SLC24A4: variants seen among roughly 807,000 people sequenced by gnomAD.
The protein encoded by SLC24A4 is sodium/potassium/calcium exchanger 4.
SLC24A4 carries 53 observed loss-of-function variants against 79.0 expected under a neutral mutation model. The observed-to-expected ratio is 0.67, with a 90% CI of 0.54 to 0.84. The LOEUF (loss-of-function observed/expected upper bound fraction) is 0.84, where lower values mean the gene tolerates loss of function less well. SLC24A4 is among the 40% of genes least tolerant of loss of function. The pLI, the probability that SLC24A4 is intolerant of heterozygous loss-of-function variation, is 0.00. For missense variants in SLC24A4, 731 were observed against 822.0 expected (o/e 0.89, Z 1.35); for synonymous variants, 323 against 323.8 (o/e 1.00, Z 0.03).
intron 12 of SLC24A4, among the ~76,000 whole-genome samples, chr14:92,469,600 T>G (rs12878801): frequency 3.0e-4 from 45 of 152,124 alleles, no homozygotes; most frequent in Middle Eastern, 3.4e-3. Context: ...TATGTCCACA[T>G]GCAAACTTAT....
intron 14 of SLC24A4, 53 bp from the exon 15 acceptor site, chr14:92,491,610 TAC>T: frequency 8.3e-7 from 1 of 1,202,108 alleles, no homozygotes; most frequent in Non-Finnish European, 1.2e-6. Flanking sequence ...GGAGAAAGAA[TAC>T]AGGCTTCTGG....
intron 10 of SLC24A4, 72 bp downstream of exon 10, chr14:92,449,288 A>T: frequency 3.2e-6 from 1 of 314,622 alleles, no homozygotes; most frequent in Non-Finnish European, 4.7e-6. Context: ...GTGTACACAC[A>T]CACACACACA....
rs759979050 is a variant in SLC24A4, at chr14:92,435,112, C to T, written c.318+1124C>T. 2.0e-5 allele frequency among the ~76,000 whole-genome samples: 3 copies of T among 152,206 alleles called. 1 individual carries two copies. Among genetic ancestry groups the T allele is most frequent in the Non-Finnish European group, 4.4e-5 (3 of 68,026 alleles). ...TTAAACTTAAAATGGGCTTATCAAG[C>T]TATAACCTCATTGTAAGTCTAGGAG... On this transcript the variant is annotated intron_variant, in intron 3 of 16. Coordinates refer to ENST00000532405, the MANE Select transcript of SLC24A4 (RefSeq NM_153646.4).
intron 2 of SLC24A4, among the ~76,000 whole-genome samples, chr14:92,379,188 C>G (rs1888681213): frequency 1.3e-5 from 2 of 152,158 alleles, no homozygotes; most frequent in South Asian, 2.1e-4. Flanking sequence ...AAGGAAATCT[C>G]TCTGGTTTAG....
chr14:92,501,116 T>A lies in SLC24A4; in HGVS notation c.*7488T>A, dbSNP rs1359087390. On this transcript the variant is annotated 3_prime_UTR_variant, in exon 17 of 17. Transcript: ENST00000532405. ...ACACATTGTTCAAGTCACCCCAAGA[T>A]CGTTCTGGCACGCTGAGCTGAACAC... 6.6e-6 allele frequency: 1 copy of A among 152,244 alleles called. No individual in the cohort carries two copies. The highest frequency in any genetic ancestry group is 1.5e-5 in the Non-Finnish European group (1 of 68,040). The allele number at this position is 152,244 out of a possible 1,614,324, so 9.4% of individuals were successfully genotyped here. A position where few individuals can be genotyped will look rare whatever the true frequency, so the allele number is the denominator to read the frequency against.
At chr14:92,481,789 G>A (rs146733465) in intron 12 of SLC24A4, among the ~76,000 whole-genome samples, 1 of 152,274 alleles carries the variant, frequency 6.6e-6, no homozygotes, top group East Asian at 1.9e-4. Context: ...ATTTTTTGCT[G>A]TTGTTCTCAA....
chr14:92,431,356 G>C (rs187162868), intron 2 of SLC24A4, among the ~76,000 whole-genome samples: 1 of 152,326 alleles, frequency 6.6e-6, no homozygotes, highest in Admixed American at 6.5e-5. Flanking sequence ...GGTCCCACAG[G>C]TCATTAGGAG....
rs1371716176 is a variant in SLC24A4, at chr14:92,456,456, A to G, written c.1103A>G (p.Asn368Ser). ...ANGVSSKPLQ[N>S]GRHENIENGN... The stretch of plus-strand genomic sequence containing the variant: ...GGTGTGAGCAGTAAGCCGCTTCAAA[A>G]CGGGAGGCACGAGAACATTGAGAAC... The change falls in exon 12 of 17, where the codon AAC becomes AGC. Residue 368 changes from asparagine (N) to serine (S), a missense_variant. Transcript: ENST00000532405. The G allele has an allele frequency of 6.2e-7, 1 of 1,614,188 alleles. No homozygotes were observed. Among genetic ancestry groups the G allele is most frequent in the East Asian group, 2.2e-5 (1 of 44,878 alleles).
chr14:92,487,405 A>C (rs1353465450), intron 14 of SLC24A4, among the ~76,000 whole-genome samples: 1 of 151,192 alleles, frequency 6.6e-6, no homozygotes, highest in African/African-American at 2.4e-5. Context: ...AAGTATAGGG[A>C]TGGGGATGGG....
chr14:92,395,085 A>T (rs745948983), intron 2 of SLC24A4, among the ~76,000 whole-genome samples: 2 of 152,190 alleles, frequency 1.3e-5, no homozygotes, highest in Non-Finnish European at 1.5e-5. Flanking sequence ...CTCTGGACGG[A>T]TAAGGGACTT....
chr14:92,486,229 T>G (rs74531470), intron 13 of SLC24A4, among the ~76,000 whole-genome samples: 1 of 152,084 alleles, frequency 6.6e-6, no homozygotes, highest in Non-Finnish European at 1.5e-5. Flanking sequence ...ACTTGTGCAG[T>G]TGGGGAAACT....
chr14:92,447,325 G>T (rs1456968563), intron 8 of SLC24A4, 46 bp from the exon 9 acceptor site: 1 of 1,589,070 alleles, frequency 6.3e-7, no homozygotes, highest in East Asian at 2.2e-5. Flanking sequence ...GCCTTCACCT[G>T]CCCCGGGCCC....
intron 2 of SLC24A4, among the ~76,000 whole-genome samples, chr14:92,339,650 G>A (rs1263646074): frequency 3.3e-5 from 5 of 152,094 alleles, no homozygotes; most frequent in African/African-American, 4.8e-5. Flanking sequence ...GTGGGTATGG[G>A]TGGCGAGTCA....
chr14:92,454,211 C>A, intron 11 of SLC24A4, 142 bp downstream of exon 11: 1 of 762,542 alleles, frequency 1.3e-6, no homozygotes, highest in Non-Finnish European at 2.0e-6. Context: ...TGCCCATCAG[C>A]CACAGGCAGC....
rs1246176709 is a variant in SLC24A4 at position 92,454,062 on chromosome 14, T to C, written c.1043T>C (p.Ile348Thr). The change falls in exon 11 of 17, where the codon ATT (isoleucine) becomes ACT (threonine). Residue 348 changes from isoleucine (I) to threonine (T), a missense_variant. By Grantham distance (89) the Ile-to-Thr change is moderately conservative. Coordinates refer to ENST00000532405, the MANE Select transcript of SLC24A4 (RefSeq NM_153646.4). ...CTACGGATGGCCAGCAGGATCATCA[T>C]TAATGAGGTGAGTTTGCTTGAAGGA... The part of the protein sequence containing the change: ...TRLRMASRII[I>T]NERQRLINSA... 6.2e-7 allele frequency: 1 copy of C among 1,612,680 alleles called. No homozygotes were observed. Among genetic ancestry groups the C allele is most frequent in the Non-Finnish European group, 8.5e-7 (1 of 1,179,372 alleles).
intron 12 of SLC24A4, among the ~76,000 whole-genome samples, chr14:92,460,044 G>A (rs766883721): frequency 9.2e-5 from 14 of 152,172 alleles, no homozygotes; most frequent in Non-Finnish European, 1.8e-4. Context: ...CAGGGGCCGC[G>A]GGAAGAGGGG....
intron 2 of SLC24A4, among the ~76,000 whole-genome samples, chr14:92,343,645 T>TTCCTTCCTTCCTTCCTTCC (rs1886329120): frequency 1.8e-5 from 1 of 55,294 alleles, no homozygotes; most frequent in Non-Finnish European, 4.3e-5. Flanking sequence ...TCTTTCTCTC[T>TTCCTTCCTTCCTTCCTTCC]TTCCTTCTTT....
At chr14:92,483,633 G>A (rs1895190800) in intron 13 of SLC24A4, 3 of 806,100 alleles carry the variant, frequency 3.7e-6, no homozygotes, top group Non-Finnish European at 1.8e-6. Flanking sequence ...ACCTTTCATC[G>A]GCTGGGCTGG....
chr14:92,388,699 C>T (rs1889303482), intron 2 of SLC24A4, among the ~76,000 whole-genome samples: 1 of 152,202 alleles, frequency 6.6e-6, no homozygotes, highest in Non-Finnish European at 1.5e-5. Context: ...TGTCCTCACC[C>T]ATCTGTTTGT....
Sources: gnomAD v4.1 joint callset for allele counts (sites outside exome capture counted in the v4.1 genomes callset) on GRCh38, gnomAD v4.1.1 for gene constraint, MANE v1.5 for transcripts, NCBI Gene and HGNC (gene_info 2026-07-23, HGNC 2026-07-21) for gene names.